SORBS2: variants seen among roughly 807,000 people sequenced by gnomAD.
The protein encoded by SORBS2 is sorbin and SH3 domain containing 2.
In SORBS2, 46 loss-of-function variants were observed where a neutral mutation model predicts 97.7. The ratio of observed to expected loss-of-function variants is 0.47; its 90% CI spans 0.37 to 0.60. SORBS2 has a LOEUF of 0.60. Among genes scored for constraint, SORBS2 ranks in the 20% least tolerant of loss-of-function variants. The probability of loss-of-function intolerance (pLI) is 0.00; values close to 1 mark genes in which losing one functional copy is unlikely to be tolerated. For missense variants in SORBS2, 1,316 were observed against 1,282.3 expected, an observed-to-expected ratio of 1.03 and a Z score of -0.40; for synonymous variants, 476 against 473.4, an observed-to-expected ratio of 1.01 and a Z score of -0.07.
intron 1 of SORBS2, among the ~76,000 whole-genome samples, chr4:185,831,753 A>G (rs775878836): frequency 3.9e-5 from 6 of 152,224 alleles, no homozygotes; most frequent in Non-Finnish European, 5.9e-5. Context: ...CTTGACTCCT[A>G]AAGTTCTATT....
intron 1 of SORBS2, among the ~76,000 whole-genome samples, chr4:185,820,138 G>A (rs1473538128): frequency 2.0e-5 from 3 of 152,302 alleles, no homozygotes; most frequent in African/African-American, 7.2e-5. Flanking sequence ...TCAGCTGGAC[G>A]TGGACCAGAG....
At chr4:185,638,447 T>C (rs912600238) in intron 4 of SORBS2, among the ~76,000 whole-genome samples, 1 of 152,128 alleles carries the variant, frequency 6.6e-6, no homozygotes, top group African/African-American at 2.4e-5. Flanking sequence ...CACTTACGCT[T>C]GAGGCATGAA....
At chr4:185,734,621 G>A (rs913052296) in intron 2 of SORBS2, among the ~76,000 whole-genome samples, 1 of 152,096 alleles carries the variant, frequency 6.6e-6, no homozygotes. Flanking sequence ...AATATCCCTC[G>A]CATCTGCCGT....
rs549004029 is a variant in SORBS2 at position 185,786,334 on chromosome 4, G to A, written c.-337-10968C>T. 5.3e-5 allele frequency among the ~76,000 whole-genome samples: 8 copies of A among 152,296 alleles called. No individual in the cohort carries two copies. In the South Asian group the frequency reaches 8.3e-4, roughly 16 times the overall value. On this transcript the variant is annotated intron_variant, in intron 1 of 20. Transcript: ENST00000284776. ...AAGGCTAAAGAGGAAAGGTAGTGGC[G>A]TTAAAAGAAATGACCTGGAAGAAAT...
chr4:185,656,993 A>G (rs1184415989), upstream of SORBS2: 1 of 1,037,490 alleles, frequency 9.6e-7, no homozygotes, highest in African/African-American at 1.7e-5. Flanking sequence ...TCCCGGTGTT[A>G]ACACACATCT....
intron 1 of SORBS2, among the ~76,000 whole-genome samples, chr4:185,654,974 T>C (rs140975529): frequency 0.01 from 1,596 of 152,350 alleles, 45 homozygotes; most frequent in Admixed American, 0.06. Flanking sequence ...TTTTTTCTCC[T>C]TTTCAGTTTT....
At chr4:185,739,438 T>C (rs1459649810) in intron 2 of SORBS2, among the ~76,000 whole-genome samples, 1 of 152,230 alleles carries the variant, frequency 6.6e-6, no homozygotes, top group African/African-American at 2.4e-5. Context: ...CAACTTAAAA[T>C]GCATGTATTT....
At chr4:185,680,629 G>A (rs1446777995) in intron 2 of SORBS2, among the ~76,000 whole-genome samples, 2 of 152,082 alleles carry the variant, frequency 1.3e-5, no homozygotes. Flanking sequence ...TTGAGGATAG[G>A]GAGTTTCTTT....
At chr4:185,939,539 G>T (rs557036051) in intron 1 of SORBS2, among the ~76,000 whole-genome samples, 139 of 151,918 alleles carry the variant, frequency 9.1e-4, no homozygotes, top group African/African-American at 3.2e-3. Flanking sequence ...AGATGGAGTT[G>T]CACTCTTGTT....
chr4:185,651,903 A>G, intron 2 of SORBS2, 75 bp from the exon 11 acceptor site: 1 of 765,138 alleles, frequency 1.3e-6, no homozygotes, highest in Non-Finnish European at 2.3e-6. Flanking sequence ...AACTTCAGAC[A>G]AACAACAGAA....
At chr4:185,682,289 C>T (rs1295526944) in intron 2 of SORBS2, among the ~76,000 whole-genome samples, 2 of 152,206 alleles carry the variant, frequency 1.3e-5, no homozygotes, top group Admixed American at 6.5e-5. Flanking sequence ...GGTCCCCATA[C>T]TGCGGCATTC....
At chr4:185,641,952 G>C (rs1212290559) in intron 4 of SORBS2, among the ~76,000 whole-genome samples, 1 of 152,110 alleles carries the variant, frequency 6.6e-6, no homozygotes, top group Non-Finnish European at 1.5e-5. Context: ...TTGCTTTTGT[G>C]GTTATCGAGA....
chr4:185,691,821 T>C (rs940356056), intron 2 of SORBS2, among the ~76,000 whole-genome samples: 4 of 152,116 alleles, frequency 2.6e-5, no homozygotes, highest in African/African-American at 9.7e-5. Flanking sequence ...CTCGGCTCAC[T>C]GCAAGCTCTG....
intron 11 of SORBS2, among the ~76,000 whole-genome samples, chr4:185,612,730 T>G (rs1479888135): frequency 6.6e-6 from 1 of 152,188 alleles, no homozygotes; most frequent in Non-Finnish European, 1.5e-5. Flanking sequence ...CCTCAAGTGA[T>G]CTGACCGCCT....
chr4:185,599,947 C>T (rs2096218501), intron 12 of SORBS2, among the ~76,000 whole-genome samples: 1 of 152,192 alleles, frequency 6.6e-6, no homozygotes, highest in South Asian at 2.1e-4. Flanking sequence ...GCTGACCCTA[C>T]CCTGTGGGAA....
chr4:185,637,126 C>T (rs949098656), intron 4 of SORBS2, among the ~76,000 whole-genome samples: 3 of 152,260 alleles, frequency 2.0e-5, no homozygotes, highest in Non-Finnish European at 4.4e-5. Context: ...AAACTAGGTA[C>T]AGTCATGTGT....
intron 1 of SORBS2, among the ~76,000 whole-genome samples, chr4:185,828,388 C>T (rs2099203142): frequency 6.6e-6 from 1 of 152,082 alleles, no homozygotes; most frequent in African/African-American, 2.4e-5. Flanking sequence ...CAGCAATGCA[C>T]ACTCTGGGAG....
chr4:185,754,906 C>T (rs1320210634), intron 2 of SORBS2, among the ~76,000 whole-genome samples: 2 of 152,182 alleles, frequency 1.3e-5, no homozygotes, highest in East Asian at 1.9e-4. Context: ...AATTGTCACA[C>T]GATTCCTTCC....
Position 185,762,916 on chromosome 4 carries a change from T to C in SORBS2, c.-198+12311A>G, listed in dbSNP as rs143901591. Among the ~76,000 whole-genome samples, 928 of 152,272 alleles carry C rather than the reference T, an allele frequency of 6.1e-3. 13 individuals carry two copies. Among genetic ancestry groups the C allele is most frequent in the African/African-American group, 0.021 (882 of 41,550 alleles). ...AAGAAAAACCAGGTGAGGTCGGGCG[T>C]GGTGGCTTATGCCTGTAATCCCAGC... On this transcript the variant is annotated intron_variant, in intron 2 of 20. Transcript: ENST00000284776.
Sources: allele counts gnomAD v4.1 joint callset (sites outside exome capture counted in the v4.1 genomes callset), GRCh38; gene constraint gnomAD v4.1.1; transcripts MANE v1.5; gene names NCBI Gene and HGNC (gene_info 2026-07-23, HGNC 2026-07-21).